The following SLC12A4 variants were observed in gnomAD, a reference collection of about 807,000 sequenced individuals.
SLC12A4 encodes solute carrier family 12 member 4, also known as electroneutral potassium-chloride cotransporter 1.
In SLC12A4, 84 loss-of-function variants were observed where a neutral mutation model predicts 119.2. The observed-to-expected ratio is 0.70, with a 90% confidence interval of 0.59 to 0.85. The LOEUF (loss-of-function observed/expected upper bound fraction) is 0.85. SLC12A4 is among the 40% of genes least tolerant of loss of function. The pLI, the probability that SLC12A4 is intolerant of heterozygous loss-of-function variation, is 0.00. For synonymous variants in SLC12A4, 599 were observed against 604.6 expected, an observed-to-expected ratio of 0.99 and a Z score of 0.14; for missense variants, 1,298 against 1,476.3, an observed-to-expected ratio of 0.88 and a Z score of 1.98.
At chr16:67,954,078 AC>A (rs1357038317) in intron 6 of SLC12A4, 1 of 341,876 alleles carries the variant, frequency 2.9e-6, no homozygotes, top group South Asian at 2.0e-5. Flanking sequence ...GGCACCTGTC[AC>A]CCCATGCCTC....
At position 67,944,922 on chromosome 16, in the gene SLC12A4, A is replaced by G; in HGVS notation, c.3176T>C (p.Phe1059Ser). 4 of 1,613,446 alleles carry G rather than the reference A, an allele frequency of 2.5e-6. No individual in the cohort carries two copies. The highest frequency in any genetic ancestry group is 2.5e-6 in the Non-Finnish European group (3 of 1,180,004). ...NSEGDENYMEFLEVLTEGLER... is the reference protein window; with the variant it reads ...NSEGDENYMESLEVLTEGLER... Reference sequence around the variant, plus strand: ...AAGGCCCTCGGTCAGCACCTCGAGGAACTCCATGTCTGCAGGGCCTCAAGT... The same window carrying G: ...AAGGCCCTCGGTCAGCACCTCGAGGGACTCCATGTCTGCAGGGCCTCAAGT... The change falls in exon 24 of 24, where the codon TTC becomes TCC. Residue 1059 changes from phenylalanine to serine, a missense_variant. Transcript: ENST00000316341. This position sits in a 1 kb window ranked among gnomAD's most constrained non-coding sequence, Gnocchi z 6.6.
rs374992389 is a variant in SLC12A4 at position 67,949,856 on chromosome 16, G to A, written c.1692C>T (p.Ile564=). 64 of 1,609,896 alleles carry A rather than the reference G, an allele frequency of 4.0e-5. No individual in the cohort carries two copies. In the African/African-American group the frequency reaches 5.8e-4, roughly 15 times the overall value. ...AGGCGATGAGGATGCCCAGCTCGGC[G>A]ATGAGTGCCGTCAGGAGGAGTGCCC... is the stretch of plus-strand genomic sequence containing the variant. ...PTWALLLTAL[I]AELGILIASL... is the part of the protein sequence containing the mutation. The change falls in exon 13 of 24, where the codon ATC becomes ATT. Residue 564 remains isoleucine, a synonymous_variant. Coordinates refer to ENST00000316341, the MANE Select transcript of SLC12A4 (RefSeq NM_005072.5). This position sits in a 1 kb window ranked among gnomAD's most constrained non-coding sequence, Gnocchi z 4.6.
intron 1 of SLC12A4, among the ~76,000 whole-genome samples, chr16:67,964,555 C>T (rs1487638361): frequency 6.6e-6 from 1 of 152,122 alleles, no homozygotes; most frequent in Non-Finnish European, 1.5e-5. Flanking sequence ...CAGCTACCCT[C>T]GCAGCCCCGG....
intron 1 of SLC12A4, 57 bp downstream of exon 1, chr16:67,968,382 C>A: frequency 6.9e-7 from 1 of 1,450,876 alleles, no homozygotes; most frequent in Non-Finnish European, 9.1e-7. Context: ...CCCGGGATGG[C>A]GGCCCCGGGT....
At chr16:67,964,972 C>A (rs941223318) in intron 1 of SLC12A4, among the ~76,000 whole-genome samples, 1 of 152,218 alleles carries the variant, frequency 6.6e-6, no homozygotes, top group African/African-American at 2.4e-5. Flanking sequence ...AAAGTCAGTT[C>A]TTCCTTCCCA....
Position 67,944,365 on chromosome 16 carries a change from C to A in SLC12A4, c.*475G>T, listed in dbSNP as rs1313106152. On this transcript the variant is annotated 3_prime_UTR_variant, in exon 24 of 24. Transcript: ENST00000316341. This position sits in a 1 kb window ranked among gnomAD's most constrained non-coding sequence, Gnocchi z 6.6. ...CAATGTTTTATTGAAAAAGTCAGGCCTCAGCTCAGCTGTCTCCATTCGGCT... is the reference window on the plus strand; with the variant it reads ...CAATGTTTTATTGAAAAAGTCAGGCATCAGCTCAGCTGTCTCCATTCGGCT... 8.1e-6 allele frequency: 11 copies of A among 1,353,170 alleles called. No individual in the cohort carries two copies. Among genetic ancestry groups the A allele is most frequent in the African/African-American group, 7.3e-5 (5 of 68,386 alleles). The allele number at this position is 1,353,170 out of a possible 1,614,324, so 83.8% of individuals were successfully genotyped here.
chr16:67,959,083 C>A (rs1463606184), intron 3 of SLC12A4, among the ~76,000 whole-genome samples: 1 of 152,168 alleles, frequency 6.6e-6, no homozygotes, highest in Non-Finnish European at 1.5e-5. Context: ...GCCCCTGGGA[C>A]ATCCTGTTGG....
chr16:67,948,031 A>T, intron 14 of SLC12A4, 30 bp downstream of exon 14: 2 of 1,606,184 alleles, frequency 1.2e-6, no homozygotes, highest in Non-Finnish European at 1.7e-6. Flanking sequence ...TGGCCTCCCC[A>T]GGGTCTCCCG....
At chr16:67,948,973 C>T (rs1257433007) in intron 13 of SLC12A4, among the ~76,000 whole-genome samples, 3 of 152,132 alleles carry the variant, frequency 2.0e-5, no homozygotes, top group African/African-American at 7.2e-5. Flanking sequence ...CTTTCATAAC[C>T]GCACAAGCAA....
Position 67,943,533 on chromosome 16 carries a change from A to C in SLC12A4, c.*1307T>G. ...GGTGGGAACAGATAGGTCTGGGGGC[A>C]TGGGGGCTGGGCCTAATAGGGGCCG... On this transcript the variant is annotated 3_prime_UTR_variant, in exon 24 of 24. Transcript: ENST00000316341. The surrounding 1 kb of genome is among the most constrained non-coding windows in gnomAD (Gnocchi z 4.6). 2.0e-6 allele frequency: 1 copy of C among 498,750 alleles called. No homozygotes were observed. The highest frequency in any genetic ancestry group is 3.8e-5 in the East Asian group (1 of 26,310). The allele number at this position is 498,750 out of a possible 1,614,324, so 30.9% of individuals were successfully genotyped here. A position where few individuals can be genotyped will look rare whatever the true frequency, so the allele number is the denominator to read the frequency against.
chr16:67,966,150 A>G (rs2030861560), intron 1 of SLC12A4, among the ~76,000 whole-genome samples: 1 of 152,148 alleles, frequency 6.6e-6, no homozygotes, highest in Admixed American at 6.5e-5. Flanking sequence ...TTCCTCTTCT[A>G]TGAAGTGGAG....
intron 6 of SLC12A4, chr16:67,954,055 A>AT: frequency 3.4e-6 from 1 of 292,624 alleles, no homozygotes; most frequent in South Asian, 2.5e-5. Context: ...TACCCTCTGG[A>AT]TCCCCAGGGG....
At chr16:67,954,989 C>T (rs1188184846) in intron 5 of SLC12A4, among the ~76,000 whole-genome samples, 4 of 152,214 alleles carry the variant, frequency 2.6e-5, no homozygotes, top group African/African-American at 4.8e-5. Context: ...ATGTCCAGCA[C>T]GGCCCGTGGA....
chr16:67,952,013 G>A lies in SLC12A4; in HGVS notation c.942C>T (p.Thr314=). The A allele has an allele frequency of 1.2e-5, 20 of 1,614,010 alleles. No individual in the cohort carries two copies. Among genetic ancestry groups the A allele is most frequent in the Non-Finnish European group, 1.7e-5 (20 of 1,180,006 alleles). ...VFPVCMLGNR[T]LSRDQFDICA... is the part of the protein sequence containing the mutation. The stretch of plus-strand genomic sequence containing the variant: ...AGATGTCAAACTGGTCCCGGGACAG[G>A]GTCCTGTTGCCCAGCATGCATACCC... Residue 314 remains threonine, a synonymous_variant, in exon 8 of 24, where the codon ACC becomes ACT. Transcript: ENST00000316341.
Position 67,952,313 on chromosome 16 carries a change from G to A in SLC12A4, c.788C>T (p.Thr263Ile), listed in dbSNP as rs1373815297. The change falls in exon 7 of 24, where the codon ACC becomes ATC. Residue 263 changes from threonine (T) to isoleucine (I), a missense_variant. Thr to Ile is a moderately conservative substitution (Grantham distance 89, BLOSUM62 -1). Coordinates refer to ENST00000316341, the MANE Select transcript of SLC12A4 (RefSeq NM_005072.5). ...CTTGACCCCCACAAACACCACCAGGGTCATGAAGGTCAGGAAAATGGTCCC... is the reference window on the plus strand; with the variant it reads ...CTTGACCCCCACAAACACCACCAGGATCATGAAGGTCAGGAAAATGGTCCC... ...VYGTIFLTFM[T>I]LVVFVGVKYV... 10 of 1,614,170 alleles carry A rather than the reference G, an allele frequency of 6.2e-6. No homozygotes were observed. In the South Asian group the frequency reaches 1.1e-4, roughly 18 times the overall value.
In SLC12A4 at chr16:67,958,017, C is replaced by A; in HGVS notation, c.370G>T (p.Val124Leu). ...ATATTCTGCAGGCAGGGCAGGTACA[C>A]CCCCATGAGGGTGCCCATGCTGGGT... is the stretch of plus-strand genomic sequence containing the variant. ...EAPSMGTLMGVYLPCLQNIFG... is the reference protein window; with the variant it reads ...EAPSMGTLMGLYLPCLQNIFG... The change falls in exon 4 of 24, where the codon GTG (valine) becomes TTG (leucine). Residue 124 changes from valine to leucine, a missense_variant. Val to Leu is a conservative substitution (Grantham distance 32). Transcript: ENST00000316341. 1 of 1,614,104 alleles carries A rather than the reference C, an allele frequency of 6.2e-7. No individual in the cohort carries two copies. The highest frequency in any genetic ancestry group is 1.3e-5 in the African/African-American group (1 of 75,042).
At chr16:67,948,748 G>T (rs1156543393) in intron 13 of SLC12A4, among the ~76,000 whole-genome samples, 1 of 152,160 alleles carries the variant, frequency 6.6e-6, no homozygotes, top group Non-Finnish European at 1.5e-5. Flanking sequence ...TAAAGGCTGA[G>T]ATGTAGCCTC....
In SLC12A4 at chr16:67,951,013, T is replaced by G. The variant is rs775085242; in HGVS notation, c.1345A>C (p.Lys449Gln). 6.2e-7 allele frequency: 1 copy of G among 1,613,908 alleles called. No individual in the cohort carries two copies. Among genetic ancestry groups the G allele is most frequent in the East Asian group, 2.2e-5 (1 of 44,880 alleles). Residue 449 changes from lysine to glutamine, a missense_variant, in exon 10 of 24, where the codon AAG (lysine) becomes CAG (glutamine). Lys to Gln is a moderately conservative substitution (Grantham distance 53). Transcript: ENST00000316341. This position sits in a 1 kb window ranked among gnomAD's most constrained non-coding sequence, Gnocchi z 5.2. ...NRSGDLRDAQ[K>Q]SIPVGTILAI... ...AGAATGGTCCCCACAGGGATAGACT[T>G]CTGGGCGTCACGAAGGTCCCCAGAG...
chr16:67,943,984 C>T lies in SLC12A4; in HGVS notation c.*856G>A. 2 of 1,548,384 alleles carry T rather than the reference C, an allele frequency of 1.3e-6. No individual in the cohort carries two copies. The highest frequency in any genetic ancestry group is 1.2e-5 in the South Asian group (1 of 83,836). ...GGCCGTGTGTGGTTACTGAGCTCAG[C>T]CTTGGGCGTGGTGTGCGGGGGGAAG... On this transcript the variant is annotated 3_prime_UTR_variant, in exon 24 of 24. Coordinates refer to ENST00000316341, the MANE Select transcript of SLC12A4 (RefSeq NM_005072.5). This position sits in a 1 kb window ranked among gnomAD's most constrained non-coding sequence, Gnocchi z 4.6.
Sources: allele counts gnomAD v4.1 joint callset (sites outside exome capture counted in the v4.1 genomes callset), GRCh38; gene constraint gnomAD v4.1.1; non-coding constraint Gnocchi (gnomAD v3.1); transcripts MANE v1.5; gene names NCBI Gene and HGNC (gene_info 2026-07-23, HGNC 2026-07-21).